Variants in SH3BGRL observed in about 807,000 individuals in gnomAD.
The protein encoded by SH3BGRL is SH3 domain binding glutamate rich protein like, also known as adapter SH3BGRL.
A neutral mutation model predicts 9.8 loss-of-function variants in SH3BGRL; 7 were observed. The observed-to-expected ratio is 0.72, with a 90% confidence interval of 0.41 to 1.35. The LOEUF is 1.35. SH3BGRL is among the 40% of genes most tolerant of loss of function. The probability of loss-of-function intolerance (pLI) is 0.01; values close to 1 mark genes in which losing one functional copy is unlikely to be tolerated. For missense variants in SH3BGRL, 73 were observed against 84.4 expected, an observed-to-expected ratio of 0.86 and a Z score of 0.53; for synonymous variants, 36 against 29.1, an observed-to-expected ratio of 1.24 and a Z score of -0.76.
At chrX:81,218,784 T>A (rs1358118512) in intron 1 of SH3BGRL, among the ~76,000 whole-genome samples, 1 of 91,516 alleles carries the variant, frequency 1.1e-5, no homozygotes, top group African/African-American at 3.7e-5. Flanking sequence ...CACATATATA[T>A]CTGTATGTAT....
At chrX:81,289,742 A>G (rs1451563339) in intron 3 of SH3BGRL, among the ~76,000 whole-genome samples, 2 of 111,072 alleles carry the variant, frequency 1.8e-5, no homozygotes, top group African/African-American at 6.5e-5. Context: ...TCTGTAAGAC[A>G]TGCTTCTCAG....
At chrX:81,238,635 G>T (rs1602605303) in intron 1 of SH3BGRL, among the ~76,000 whole-genome samples, 1 of 111,628 alleles carries the variant, frequency 9.0e-6, no homozygotes, top group Non-Finnish European at 1.9e-5. Context: ...AAGCCCCAGG[G>T]TTTTGAGCGA....
At chrX:81,208,539 T>G (rs1268697457) in intron 1 of SH3BGRL, among the ~76,000 whole-genome samples, 2 of 112,334 alleles carry the variant, frequency 1.8e-5, no homozygotes, top group African/African-American at 6.5e-5. Flanking sequence ...GAATTTTGTA[T>G]TTCATTTCTT....
chrX:81,269,987 C>A (rs995575055), intron 1 of SH3BGRL, among the ~76,000 whole-genome samples: 1 of 110,035 alleles, frequency 9.1e-6, no homozygotes, highest in Non-Finnish European at 1.9e-5. Flanking sequence ...TCAGTGATAT[C>A]CTTTCCTTCT....
At chrX:81,246,471 G>A (rs2075689099) in intron 1 of SH3BGRL, among the ~76,000 whole-genome samples, 1 of 111,658 alleles carries the variant, frequency 9.0e-6, no homozygotes, top group East Asian at 2.8e-4. Context: ...TTCACCTTGA[G>A]TTAAATTTTG....
At chrX:81,237,189 C>A (rs2075651146) in intron 1 of SH3BGRL, 1 of 411,258 alleles carries the variant, frequency 2.4e-6, no homozygotes, top group African/African-American at 2.5e-5. Context: ...ACCAATTTAA[C>A]AACTATCTAC....
At chrX:81,277,652 A>G (rs965098605) in intron 2 of SH3BGRL, among the ~76,000 whole-genome samples, 1 of 112,118 alleles carries the variant, frequency 8.9e-6, no homozygotes, top group East Asian at 2.8e-4. Flanking sequence ...TGAATAATGG[A>G]ACAGAAATAT....
intron 1 of SH3BGRL, among the ~76,000 whole-genome samples, chrX:81,252,606 A>T (rs1016267041): frequency 8.9e-6 from 1 of 111,812 alleles, no homozygotes; most frequent in African/African-American, 3.3e-5. Context: ...AACCCTAATG[A>T]TATCTGATGA....
intron 1 of SH3BGRL, among the ~76,000 whole-genome samples, chrX:81,267,006 TTGTC>T (rs1359157862): frequency 9.0e-6 from 1 of 111,553 alleles, no homozygotes; most frequent in Non-Finnish European, 1.9e-5. Context: ...GGCTCTCTGT[TTGTC>T]TGTTATTGGT....
At chrX:81,286,437 C>T (rs1189726358) in intron 3 of SH3BGRL, among the ~76,000 whole-genome samples, 1 of 92,612 alleles carries the variant, frequency 1.1e-5, no homozygotes, top group African/African-American at 4.1e-5. Flanking sequence ...ATTTTTACTA[C>T]ATCTCCAAGA....
chrX:81,284,807 TAAATA>T (rs1444586756), intron 3 of SH3BGRL, among the ~76,000 whole-genome samples: 9 of 110,331 alleles, frequency 8.2e-5, no homozygotes, highest in African/African-American at 3.0e-4. Context: ...AATAAATAAA[TAAATA>T]AACAGACAAA....
At chrX:81,220,883 C>G (rs1162769287) in intron 1 of SH3BGRL, among the ~76,000 whole-genome samples, 1 of 111,049 alleles carries the variant, frequency 9.0e-6, no homozygotes, top group Non-Finnish European at 1.9e-5. Flanking sequence ...ACTGTTCACT[C>G]AGGAGCATAT....
At chrX:81,204,158 C>T (rs189378767) in intron 1 of SH3BGRL, among the ~76,000 whole-genome samples, 1 of 112,021 alleles carries the variant, frequency 8.9e-6, no homozygotes, top group African/African-American at 3.2e-5. Context: ...AATTTTTTGT[C>T]ATGAGTAGTT....
chrX:81,285,010 G>A (rs968250908), intron 3 of SH3BGRL, among the ~76,000 whole-genome samples: 2 of 111,023 alleles, frequency 1.8e-5, no homozygotes, highest in Non-Finnish European at 3.8e-5. Context: ...AACAAGAATA[G>A]GTGTGGTATT....
At chrX:81,238,907 G>C (rs1303622353) in intron 1 of SH3BGRL, among the ~76,000 whole-genome samples, 1 of 110,824 alleles carries the variant, frequency 9.0e-6, no homozygotes, top group Non-Finnish European at 1.9e-5. Flanking sequence ...GAATTCTCCT[G>C]GAACTAGCCC....
chrX:81,249,529 T>A (rs1176019710), intron 1 of SH3BGRL, among the ~76,000 whole-genome samples: 1 of 112,439 alleles, frequency 8.9e-6, no homozygotes, highest in Non-Finnish European at 1.9e-5. Flanking sequence ...CTGTTAACCA[T>A]CCCTTTTATA....
chrX:81,279,760 G>A (rs1017152532), intron 3 of SH3BGRL, among the ~76,000 whole-genome samples: 4 of 111,108 alleles, frequency 3.6e-5, no homozygotes, highest in Non-Finnish European at 7.6e-5. Context: ...AGGAGCAGGG[G>A]TTAAAACTCC....
chrX:81,206,587 A>G (rs1361561161), intron 1 of SH3BGRL, among the ~76,000 whole-genome samples: 1 of 111,440 alleles, frequency 9.0e-6, no homozygotes, highest in Non-Finnish European at 1.9e-5. Context: ...ACTAGTAGGC[A>G]TGAGGAAATA....
Position 81,297,209 on chromosome X carries a change from A to G in SH3BGRL, c.327A>G (p.Gln109=). 8.3e-7 allele frequency: 1 copy of G among 1,207,799 alleles called. No homozygotes were observed. Among genetic ancestry groups the G allele is most frequent in the South Asian group, 1.8e-5 (1 of 56,614 alleles). ...TTTCATTTCAGGAAGCAGAAGTGCAAGCAAAGCAGCAAGCATGAACCTTAA... is the reference window on the plus strand; with the variant it reads ...TTTCATTTCAGGAAGCAGAAGTGCAGGCAAAGCAGCAAGCATGAACCTTAA... ...APPGSKEAEV[Q]AKQQA Residue 109 remains glutamine (Q), a synonymous_variant, in exon 4 of 4, where the codon CAA becomes CAG. Coordinates refer to ENST00000373212, the MANE Select transcript of SH3BGRL (RefSeq NM_003022.3).
Sources: allele counts gnomAD v4.1 joint callset (sites outside exome capture counted in the v4.1 genomes callset), GRCh38; gene constraint gnomAD v4.1.1; transcripts MANE v1.5; gene names NCBI Gene and HGNC (gene_info 2026-07-23, HGNC 2026-07-21).